The following MOGAT1 variants were observed in gnomAD, a reference collection of about 807,000 sequenced individuals.
MOGAT1 encodes the protein 2-acylglycerol O-acyltransferase 1.
In MOGAT1, 32 loss-of-function variants were observed where a neutral mutation model predicts 31.4. The ratio of observed to expected loss-of-function variants is 1.02; its 90% CI spans 0.77 to 1.37. The LOEUF (loss-of-function observed/expected upper bound fraction) is 1.37, where lower values mean the gene tolerates loss of function less well. Ranked by LOEUF, MOGAT1 falls within the 40% of genes most tolerant of loss-of-function variation. The pLI is 0.00. For missense variants in MOGAT1, 426 were observed against 402.0 expected, an observed-to-expected ratio of 1.06 and a Z score of -0.51; for synonymous variants, 145 against 144.5, an observed-to-expected ratio of 1.00 and a Z score of -0.03.
At chr2:222,687,194 T>G (rs998183302) in intron 1 of MOGAT1, among the ~76,000 whole-genome samples, 4 of 149,146 alleles carry the variant, frequency 2.7e-5, no homozygotes, top group Non-Finnish European at 4.4e-5. Context: ...TGGTAAAACA[T>G]GTATGTCAGT....
At chr2:222,674,944 T>G (rs1692473312) in intron 1 of MOGAT1, among the ~76,000 whole-genome samples, 1 of 152,190 alleles carries the variant, frequency 6.6e-6, no homozygotes, top group African/African-American at 2.4e-5. Flanking sequence ...GTAACGGGAT[T>G]ACAGGCGCTA....
intron 5 of MOGAT1, chr2:222,698,575 G>A (rs1469123480): frequency 6.6e-6 from 1 of 152,178 alleles, no homozygotes; most frequent in Admixed American, 6.5e-5. Flanking sequence ...CCCTTGCACT[G>A]GCCTCACTTT....
chr2:222,673,492 G>T (rs952860335), intron 1 of MOGAT1, among the ~76,000 whole-genome samples: 1 of 152,064 alleles, frequency 6.6e-6, no homozygotes, highest in Non-Finnish European at 1.5e-5. Flanking sequence ...CAACATCCAC[G>T]ATTAACTAGC....
At chr2:222,706,227 C>T (rs1453431838) in intron 5 of MOGAT1, among the ~76,000 whole-genome samples, 2 of 152,078 alleles carry the variant, frequency 1.3e-5, no homozygotes, top group African/African-American at 4.8e-5. Context: ...AATCCCAGCA[C>T]TTTGGGAGGC....
At chr2:222,680,520 C>T (rs1348929198) in intron 1 of MOGAT1, among the ~76,000 whole-genome samples, 1 of 151,944 alleles carries the variant, frequency 6.6e-6, no homozygotes, top group Admixed American at 6.5e-5. Context: ...TGAGATTTGT[C>T]TTTTAGCACA....
intron 5 of MOGAT1, among the ~76,000 whole-genome samples, chr2:222,697,469 T>A (rs931978334): frequency 6.6e-6 from 1 of 151,882 alleles, no homozygotes; most frequent in Non-Finnish European, 1.5e-5. Context: ...TGGTTTTCAA[T>A]CTCTCTGAAG....
rs751122558 is a variant in MOGAT1 at position 222,709,747 on chromosome 2, A to T, written c.865A>T (p.Ile289Phe). 6.2e-7 allele frequency: 1 copy of T among 1,612,812 alleles called. No individual in the cohort carries two copies. The highest frequency in any genetic ancestry group is 2.2e-5 in the East Asian group (1 of 44,872). ...TCCCTGATTTGCAGTTGGCCGCCCG[A>T]TCCCTGTTCGTCAGACTCTGAACCC... Reference protein sequence around the residue: ...KAIHTVVGRPIPVRQTLNPTQ... With the variant: ...KAIHTVVGRPFPVRQTLNPTQ... The change falls in exon 6 of 6, where the codon ATC (isoleucine) becomes TTC (phenylalanine). Residue 289 changes from isoleucine (I) to phenylalanine (F), a missense_variant. By Grantham distance (21) the Ile-to-Phe change is conservative. Transcript: ENST00000446656.
At chr2:222,697,803 G>A (rs189581390) in intron 5 of MOGAT1, among the ~76,000 whole-genome samples, 3 of 151,982 alleles carry the variant, frequency 2.0e-5, no homozygotes, top group East Asian at 3.9e-4. Flanking sequence ...TCGAACTCCC[G>A]ACCTCAGGTG....
intron 5 of MOGAT1, among the ~76,000 whole-genome samples, chr2:222,706,910 A>G (rs1319115025): frequency 6.6e-6 from 1 of 152,206 alleles, no homozygotes; most frequent in East Asian, 1.9e-4. Context: ...TTAAGGCCAG[A>G]GAGGCTGGCT....
chr2:222,703,761 T>C (rs1692964473), intron 5 of MOGAT1, among the ~76,000 whole-genome samples: 1 of 152,146 alleles, frequency 6.6e-6, no homozygotes, highest in African/African-American at 2.4e-5. Context: ...TGGAGAGCAA[T>C]TCCTGCATGA....
At chr2:222,672,709 T>C (rs1692438193) in intron 1 of MOGAT1, among the ~76,000 whole-genome samples, 1 of 152,078 alleles carries the variant, frequency 6.6e-6, no homozygotes, top group African/African-American at 2.4e-5. Context: ...GATCATGGAT[T>C]GTACAGCGTT....
At chr2:222,671,950 G>T (rs1692425317) in intron 1 of MOGAT1, 71 bp downstream of exon 1, 6 of 1,257,016 alleles carry the variant, frequency 4.8e-6, no homozygotes, top group Non-Finnish European at 6.8e-6. Flanking sequence ...CGGATTCCAG[G>T]ACCTGCATAG....
At chr2:222,692,749 C>T (rs1204744715) in intron 3 of MOGAT1, among the ~76,000 whole-genome samples, 1 of 151,910 alleles carries the variant, frequency 6.6e-6, no homozygotes, top group African/African-American at 2.4e-5. Context: ...AAGGAAGGAC[C>T]CCTAAGAAAT....
At chr2:222,688,667 T>C in intron 2 of MOGAT1, 145 bp downstream of exon 2, 1 of 639,586 alleles carries the variant, frequency 1.6e-6, no homozygotes, top group Non-Finnish European at 2.6e-6. Flanking sequence ...AAAGACTAGG[T>C]AATTTATAAA....
At chr2:222,675,867 G>C (rs1692489961) in intron 1 of MOGAT1, among the ~76,000 whole-genome samples, 1 of 152,008 alleles carries the variant, frequency 6.6e-6, no homozygotes, top group African/African-American at 2.4e-5. Context: ...GGAAATAAAG[G>C]ATAAATACTC....
chr2:222,677,741 GT>G, intron 1 of MOGAT1: 1 of 375,818 alleles, frequency 2.7e-6, no homozygotes. Flanking sequence ...GAAGAAGGAA[GT>G]TACTGCTCTT....
intron 1 of MOGAT1, among the ~76,000 whole-genome samples, chr2:222,676,839 T>C (rs1003355928): frequency 6.6e-6 from 1 of 152,250 alleles, no homozygotes; most frequent in Non-Finnish European, 1.5e-5. Context: ...GTATGCTCTA[T>C]AAACTTCATG....
chr2:222,694,662 A>AG, intron 4 of MOGAT1, 126 bp downstream of exon 4: 1 of 895,964 alleles, frequency 1.1e-6, no homozygotes, highest in African/African-American at 1.7e-5. Context: ...CAGTAAAAGC[A>AG]GGTGTGGATG....
intron 1 of MOGAT1, chr2:222,678,014 A>G: frequency 4.1e-6 from 1 of 242,940 alleles, no homozygotes; most frequent in Non-Finnish European, 8.6e-6. Context: ...TCAAAAGACC[A>G]ACAGGAAGCC....
Sources: gnomAD v4.1 joint callset for allele counts (sites outside exome capture counted in the v4.1 genomes callset) on GRCh38, gnomAD v4.1.1 for gene constraint, MANE v1.5 for transcripts, NCBI Gene and HGNC (gene_info 2026-07-23, HGNC 2026-07-21) for gene names.